The following PARM1 variants were observed in gnomAD, a reference collection of about 807,000 sequenced individuals.
The protein encoded by PARM1 is WSC4, cell wall integrity and stress response component 4 homolog.
In PARM1, 14 loss-of-function variants were observed where a neutral mutation model predicts 24.6. The ratio of observed to expected loss-of-function variants is 0.57; its 90% CI spans 0.38 to 0.89. The LOEUF (loss-of-function observed/expected upper bound fraction) is 0.89, where lower values mean the gene tolerates loss of function less well. PARM1 is among the 40% of genes least tolerant of loss of function. PARM1 has a pLI of 0.00. For synonymous variants in PARM1, 179 were observed against 156.6 expected (o/e 1.14, Z -1.07); for missense variants, 362 against 380.4 (o/e 0.95, Z 0.40).
chr4:74,978,735 CA>C (rs575995515), intron 1 of PARM1, among the ~76,000 whole-genome samples: 210 of 152,184 alleles, frequency 1.4e-3, no homozygotes, highest in African/African-American at 4.8e-3. Context: ...TCAGCAAATG[CA>C]AAAGAACTGA....
intron 2 of PARM1, among the ~76,000 whole-genome samples, chr4:75,020,495 C>G (rs559393307): frequency 2.7e-4 from 36 of 134,148 alleles, no homozygotes; most frequent in African/African-American, 4.1e-4. Context: ...CCTCATTTCC[C>G]CCCCCCCGCA....
At chr4:74,944,004 A>G (rs1308816763) in intron 1 of PARM1, among the ~76,000 whole-genome samples, 3 of 152,196 alleles carry the variant, frequency 2.0e-5, no homozygotes, top group Non-Finnish European at 4.4e-5. Flanking sequence ...GGGATGCAGA[A>G]GTCTTGCCTC....
At chr4:74,990,077 A>G (rs1722437177) in intron 1 of PARM1, among the ~76,000 whole-genome samples, 1 of 152,198 alleles carries the variant, frequency 6.6e-6, no homozygotes, top group Admixed American at 6.5e-5. Flanking sequence ...CATATCAAGT[A>G]ATAGTAAGAG....
intron 1 of PARM1, among the ~76,000 whole-genome samples, chr4:75,003,256 ATAG>A (rs1722714031): frequency 6.6e-6 from 1 of 151,854 alleles, no homozygotes; most frequent in Non-Finnish European, 1.5e-5. Flanking sequence ...TGTGACCACT[ATAG>A]TCCCTCCCAT....
At chr4:75,011,025 G>T (rs1403033731) in intron 1 of PARM1, among the ~76,000 whole-genome samples, 2 of 152,186 alleles carry the variant, frequency 1.3e-5, no homozygotes, top group Non-Finnish European at 2.9e-5. Context: ...CTCATGGTGA[G>T]AATGGGAGCA....
chr4:75,013,247 A>G (rs1424867772), intron 2 of PARM1, 97 bp downstream of exon 2: 5 of 1,223,956 alleles, frequency 4.1e-6, no homozygotes, highest in Non-Finnish European at 5.7e-6. Flanking sequence ...TGAATTTTGG[A>G]GTGTAACACC....
intron 1 of PARM1, among the ~76,000 whole-genome samples, chr4:74,940,326 T>C (rs1045028640): frequency 6.6e-6 from 1 of 152,352 alleles, no homozygotes; most frequent in South Asian, 2.1e-4. Flanking sequence ...TCTGTCTTAG[T>C]TCATCCAGGC....
chr4:75,047,265 TAAAATGTTTA>T lies in PARM1; in HGVS notation c.*1023_*1032del. ...TTTACTGTCTGTTGGATAATGGCTG[TAAAATGTTTA>T]AAAACAAAACAAAACAAAAAAGAGG... is the stretch of plus-strand genomic sequence containing the variant. On this transcript the variant is annotated 3_prime_UTR_variant, in exon 4 of 4. Transcript: ENST00000307428. The T allele has an allele frequency of 6.6e-6, 1 of 152,176 alleles. No homozygotes were observed. The highest frequency in any genetic ancestry group is 2.1e-4 in the South Asian group (1 of 4,830). The allele number at this position is 152,176 out of a possible 1,614,324, so 9.4% of individuals were successfully genotyped here.
At chr4:74,992,168 G>A (rs998047053) in intron 1 of PARM1, among the ~76,000 whole-genome samples, 1 of 152,108 alleles carries the variant, frequency 6.6e-6, no homozygotes, top group Admixed American at 6.6e-5. Context: ...CTATCAGGAA[G>A]GTCCTCAAAC....
chr4:74,994,436 C>T (rs1722536725), intron 1 of PARM1, among the ~76,000 whole-genome samples: 1 of 152,152 alleles, frequency 6.6e-6, no homozygotes, highest in African/African-American at 2.4e-5. Flanking sequence ...TTGCTCAGCT[C>T]ATTTACGGCT....
At chr4:74,972,710 C>T (rs1722062416) in intron 1 of PARM1, among the ~76,000 whole-genome samples, 1 of 152,136 alleles carries the variant, frequency 6.6e-6, no homozygotes, top group African/African-American at 2.4e-5. Context: ...TTTTTCCGAT[C>T]AGCAGAAAGT....
At chr4:74,982,012 C>A (rs1327933561) in intron 1 of PARM1, among the ~76,000 whole-genome samples, 2 of 152,028 alleles carry the variant, frequency 1.3e-5, no homozygotes, top group South Asian at 2.1e-4. Flanking sequence ...CATTGCAGCA[C>A]TACTCACAAT....
chr4:74,961,126 C>G (rs985064637), intron 1 of PARM1, among the ~76,000 whole-genome samples: 1 of 151,814 alleles, frequency 6.6e-6, no homozygotes. Context: ...AACCAAAAGG[C>G]AATTCTGGAG....
chr4:74,952,934 C>T (rs1033388353), intron 1 of PARM1, among the ~76,000 whole-genome samples: 6 of 152,098 alleles, frequency 3.9e-5, no homozygotes, highest in East Asian at 1.9e-4. Flanking sequence ...AAGAAGGAGA[C>T]CAAATAACAT....
chr4:75,007,500 C>T (rs1722794096), intron 1 of PARM1, among the ~76,000 whole-genome samples: 2 of 152,146 alleles, frequency 1.3e-5, no homozygotes, highest in African/African-American at 4.8e-5. Context: ...AGTGTAAGGT[C>T]AGTTACACCA....
intron 1 of PARM1, among the ~76,000 whole-genome samples, chr4:74,968,007 C>T (rs1477882381): frequency 6.6e-6 from 1 of 152,000 alleles, no homozygotes; most frequent in Admixed American, 6.6e-5. Flanking sequence ...TTTGCAGGTT[C>T]CTCCCCTTTT....
intron 1 of PARM1, among the ~76,000 whole-genome samples, chr4:74,976,900 T>C (rs1247960724): frequency 6.6e-6 from 1 of 151,700 alleles, no homozygotes; most frequent in Non-Finnish European, 1.5e-5. Context: ...CAAACAAATA[T>C]AAAGCAACAA....
intron 2 of PARM1, among the ~76,000 whole-genome samples, chr4:75,027,738 C>T (rs1723210247): frequency 6.6e-6 from 1 of 152,212 alleles, no homozygotes; most frequent in South Asian, 2.1e-4. Flanking sequence ...CTGCTTCTAA[C>T]TAGCCCTCTT....
intron 1 of PARM1, among the ~76,000 whole-genome samples, chr4:74,939,969 T>C (rs1721270802): frequency 6.6e-6 from 1 of 152,160 alleles, no homozygotes; most frequent in Admixed American, 6.5e-5. Context: ...AACAAGGAAA[T>C]AAGGACCTGG....
Sources: allele counts gnomAD v4.1 joint callset (sites outside exome capture counted in the v4.1 genomes callset), GRCh38; gene constraint gnomAD v4.1.1; transcripts MANE v1.5; gene names NCBI Gene and HGNC (gene_info 2026-07-23, HGNC 2026-07-21).